The following MCPH1 variants were observed in gnomAD, a reference collection of about 807,000 sequenced individuals.
MCPH1 encodes microcephalin 1, also known as microcephalin.
MCPH1 carries 104 observed loss-of-function variants against 84.5 expected under a neutral mutation model. The observed-to-expected ratio is 1.23, with a 90% CI of 1.05 to 1.45. The LOEUF (loss-of-function observed/expected upper bound fraction) is 1.45, where lower values mean the gene tolerates loss of function less well. Ranked by LOEUF, MCPH1 falls within the 40% of genes most tolerant of loss-of-function variation. The pLI, the probability that MCPH1 is intolerant of heterozygous loss-of-function variation, is 0.00. For synonymous variants in MCPH1, 514 were observed against 366.8 expected (o/e 1.40, Z -4.58); for missense variants, 1,498 against 1,005.7 (o/e 1.49, Z -6.62).
chr8:6,557,579 T>G (rs549939413), intron 12 of MCPH1, among the ~76,000 whole-genome samples: 17 of 152,278 alleles, frequency 1.1e-4, no homozygotes, highest in African/African-American at 3.9e-4. Flanking sequence ...AGATGGGCCC[T>G]GTTTAATTAG....
At chr8:6,571,229 C>T (rs1826637620) in intron 12 of MCPH1, among the ~76,000 whole-genome samples, 1 of 152,074 alleles carries the variant, frequency 6.6e-6, no homozygotes, top group African/African-American at 2.4e-5. Context: ...GCCAGTAATT[C>T]TGTGTCCTGT....
At chr8:6,502,659 T>C (rs1236310616) in intron 12 of MCPH1, 1 of 153,976 alleles carries the variant, frequency 6.5e-6, no homozygotes, top group Non-Finnish European at 1.4e-5. Flanking sequence ...ATTGTGATAG[T>C]GATGGTGAAT....
intron 3 of MCPH1, among the ~76,000 whole-genome samples, chr8:6,422,910 G>A (rs533372328): frequency 8.6e-5 from 13 of 151,218 alleles, no homozygotes; most frequent in African/African-American, 1.5e-4. Flanking sequence ...GGATGGTCTC[G>A]ATCTCCTGAC....
intron 3 of MCPH1, among the ~76,000 whole-genome samples, chr8:6,415,157 G>T (rs1052429441): frequency 2.0e-5 from 3 of 152,102 alleles, no homozygotes; most frequent in African/African-American, 7.2e-5. Context: ...GGAATGTGAT[G>T]AAGCAGATTG....
intron 3 of MCPH1, among the ~76,000 whole-genome samples, chr8:6,428,058 A>G (rs1436186272): frequency 6.6e-6 from 1 of 152,032 alleles, no homozygotes; most frequent in African/African-American, 2.4e-5. Flanking sequence ...CTGAGATTAC[A>G]GGTGTGAGCC....
At chr8:6,567,020 A>C (rs1826234290) in intron 12 of MCPH1, among the ~76,000 whole-genome samples, 1 of 140,648 alleles carries the variant, frequency 7.1e-6, no homozygotes, top group Non-Finnish European at 1.5e-5. Context: ...TAGATAGTGC[A>C]CGCGGTGCGG....
At chr8:6,549,074 A>T (rs897149891) in intron 12 of MCPH1, among the ~76,000 whole-genome samples, 7 of 152,236 alleles carry the variant, frequency 4.6e-5, no homozygotes, top group African/African-American at 9.6e-5. Flanking sequence ...ATTAGAAGGC[A>T]GGTTAGTCTT....
chr8:6,444,459 A>AC lies in MCPH1; in HGVS notation c.737_738insC (p.Gln247SerfsTer10). 3 of 1,614,218 alleles carry AC rather than the reference A, an allele frequency of 1.9e-6. No homozygotes were observed. Among genetic ancestry groups the AC allele is most frequent in the Non-Finnish European group, 2.5e-6 (3 of 1,180,040 alleles). ...CTTTGTGGAAACTCAGGATGTGGAA[A>AC]TCAGGAAAGGAAGTTGGAAGGATCC... is the stretch of plus-strand genomic sequence containing the variant. On this transcript the variant is annotated frameshift_variant, in exon 8 of 14. Transcript: ENST00000344683. LOFTEE classifies it high-confidence loss of function.
intron 12 of MCPH1, among the ~76,000 whole-genome samples, chr8:6,570,323 T>C (rs1394553506): frequency 3.3e-5 from 5 of 152,330 alleles, no homozygotes; most frequent in East Asian, 1.9e-4. Flanking sequence ...CCCCTTAGAA[T>C]TGGGCATTGA....
At chr8:6,614,794 T>G (rs1369576205) in intron 12 of MCPH1, among the ~76,000 whole-genome samples, 1 of 152,162 alleles carries the variant, frequency 6.6e-6, no homozygotes, top group Non-Finnish European at 1.5e-5. Context: ...ACCTCCCCAT[T>G]TGCACACAGG....
chr8:6,626,228 G>A, intron 13 of MCPH1: 2 of 985,386 alleles, frequency 2.0e-6, no homozygotes, highest in Non-Finnish European at 2.4e-6. Context: ...AGGGAGTGGA[G>A]GTGTGAAGTC....
intron 12 of MCPH1, among the ~76,000 whole-genome samples, chr8:6,613,311 C>A (rs886772756): frequency 6.6e-6 from 1 of 152,336 alleles, no homozygotes; most frequent in Non-Finnish European, 1.5e-5. Flanking sequence ...GAGGGCCACA[C>A]GGCCAACGGT....
intron 9 of MCPH1, among the ~76,000 whole-genome samples, chr8:6,465,097 C>T (rs1353953192): frequency 6.6e-6 from 1 of 152,126 alleles, no homozygotes; most frequent in African/African-American, 2.4e-5. Context: ...CTGCTAGCTC[C>T]TAAGGTCTAT....
intron 8 of MCPH1, among the ~76,000 whole-genome samples, chr8:6,451,345 T>C (rs888160712): frequency 1.3e-5 from 2 of 152,200 alleles, no homozygotes; most frequent in Admixed American, 6.5e-5. Flanking sequence ...CTATGTCCAA[T>C]GTATAAACAG....
At chr8:6,407,531 G>C (rs963639076) in intron 1 of MCPH1, among the ~76,000 whole-genome samples, 4 of 152,236 alleles carry the variant, frequency 2.6e-5, no homozygotes, top group East Asian at 1.9e-4. Context: ...GCGGACACGT[G>C]TCTTGTAGAG....
At chr8:6,469,773 A>T (rs748764377) in intron 9 of MCPH1, among the ~76,000 whole-genome samples, 13 of 152,208 alleles carry the variant, frequency 8.5e-5, no homozygotes, top group Non-Finnish European at 1.3e-4. Context: ...CTTTGGTCTT[A>T]CTAAAACAAA....
chr8:6,474,234 A>C, intron 9 of MCPH1: 1 of 632,040 alleles, frequency 1.6e-6, no homozygotes, highest in Admixed American at 2.4e-5. Context: ...TCGTCATACA[A>C]TTGCTTTTCT....
chr8:6,455,372 TATGGGTAAATGCTGGAAAACTCAG>T (rs1370241100), intron 9 of MCPH1, 120 bp downstream of exon 9: 7 of 740,792 alleles, frequency 9.4e-6, no homozygotes, highest in Non-Finnish European at 1.6e-5. Flanking sequence ...AAAAATTGAT[TATGGGTAAATGCTGGAAAACTCAG>T]AATATGAAAC....
intron 3 of MCPH1, among the ~76,000 whole-genome samples, chr8:6,428,521 A>C (rs1489835118): frequency 6.6e-6 from 1 of 152,054 alleles, no homozygotes; most frequent in African/African-American, 2.4e-5. Flanking sequence ...CCTATCCCCT[A>C]TTCTCCCGCC....
Sources: allele counts gnomAD v4.1 joint callset (sites outside exome capture counted in the v4.1 genomes callset), GRCh38; gene constraint gnomAD v4.1.1; transcripts MANE v1.5; gene names NCBI Gene and HGNC (gene_info 2026-07-23, HGNC 2026-07-21).